Variants in NAALAD2 observed in about 807,000 individuals in gnomAD.
NAALAD2 encodes the protein N-acetylated alpha-linked acidic dipeptidase 2, also known as N-acetylated-alpha-linked acidic dipeptidase 2.
Under a neutral mutation model 95.6 loss-of-function variants are expected in NAALAD2, and 89 were observed. The ratio of observed to expected loss-of-function variants is 0.93; its 90% CI spans 0.78 to 1.11. The LOEUF is 1.11. Among genes scored for constraint, NAALAD2 ranks in the 50% least tolerant of loss-of-function variants. NAALAD2 has a pLI of 0.00. For synonymous variants in NAALAD2, 264 were observed against 294.4 expected (o/e 0.90, Z 1.06); for missense variants, 894 against 872.4 (o/e 1.02, Z -0.31).
In NAALAD2 at chr11:90,191,759, T is replaced by A. The variant is rs1228281021; in HGVS notation, c.*12T>A. On this transcript the variant is annotated 3_prime_UTR_variant, in exon 19 of 19. Coordinates refer to ENST00000534061, the MANE Select transcript of NAALAD2 (RefSeq NM_005467.4). Reference sequence around the variant, plus strand: ...AAGAAGTATTATAGAAGGTCTCAAGTGGCTAGCCATTAAAGGTGTTGCTAA... The same window carrying A: ...AAGAAGTATTATAGAAGGTCTCAAGAGGCTAGCCATTAAAGGTGTTGCTAA... The A allele has an allele frequency of 1.5e-5, 23 of 1,517,984 alleles. No individual in the cohort carries two copies. The highest frequency in any genetic ancestry group is 1.9e-5 in the Non-Finnish European group (22 of 1,133,206). 94.0% of individuals were successfully genotyped at this position (1,517,984 alleles called of 1,614,324 possible).
intron 18 of NAALAD2, among the ~76,000 whole-genome samples, chr11:90,189,878 A>G (rs1290880327): frequency 6.6e-6 from 1 of 152,174 alleles, no homozygotes; most frequent in Non-Finnish European, 1.5e-5. Flanking sequence ...CATATTCTCT[A>G]GTCTGCTCAG....
chr11:90,167,061 C>T (rs56046059), intron 11 of NAALAD2, among the ~76,000 whole-genome samples: 3,539 of 152,316 alleles, frequency 0.023, 143 homozygotes, highest in African/African-American at 0.08. Flanking sequence ...GCTCTCGGCG[C>T]CTCCTCGGCC....
At chr11:90,150,420 AT>A (rs1951856755) in intron 4 of NAALAD2, 61 bp from the exon 5 acceptor site, 4 of 1,172,644 alleles carry the variant, frequency 3.4e-6, no homozygotes, top group Non-Finnish European at 4.6e-6. Flanking sequence ...AAGCAAACTT[AT>A]TTTTTGTTTT....
chr11:90,144,182 A>G (rs1951690884), intron 2 of NAALAD2, among the ~76,000 whole-genome samples: 1 of 152,168 alleles, frequency 6.6e-6, no homozygotes. Context: ...ACACCATATT[A>G]GGAGCCCCCA....
At chr11:90,174,658 TA>T (rs1952733998) in intron 14 of NAALAD2, among the ~76,000 whole-genome samples, 1 of 151,954 alleles carries the variant, frequency 6.6e-6, no homozygotes, top group African/African-American at 2.4e-5. Context: ...TTTATATAAA[TA>T]TTATTTTATT....
intron 8 of NAALAD2, among the ~76,000 whole-genome samples, chr11:90,162,082 T>C (rs1202833941): frequency 6.6e-6 from 1 of 152,164 alleles, no homozygotes; most frequent in African/African-American, 2.4e-5. Context: ...TTATTCATTC[T>C]TCCATTAAAA....
rs150557013 is a variant in NAALAD2 at position 90,181,779 on chromosome 11, T to C, written c.1940+78T>C. 9.9e-4 allele frequency: 888 copies of C among 894,226 alleles called. 6 individuals are homozygous for C. In the African/African-American group the frequency reaches 0.013, roughly 13 times the overall value. The allele number at this position is 894,226 out of a possible 1,614,324, so 55.4% of individuals were successfully genotyped here. A position where few individuals can be genotyped will look rare whatever the true frequency, so the allele number is the denominator to read the frequency against. On this transcript the variant is annotated intron_variant, in intron 17 of 18. Coordinates refer to ENST00000534061, the MANE Select transcript of NAALAD2 (RefSeq NM_005467.4). Reference sequence around the variant, plus strand: ...ACTAGAATGAACTGTTTCACTCATATTAGCATTAACCTCTAAATCACTACT... The same window carrying C: ...ACTAGAATGAACTGTTTCACTCATACTAGCATTAACCTCTAAATCACTACT...
intron 1 of NAALAD2, 147 bp from the exon 2 acceptor site, chr11:90,135,412 A>G: frequency 2.2e-6 from 1 of 464,158 alleles, no homozygotes; most frequent in Non-Finnish European, 3.8e-6. Context: ...TGCATTTAAT[A>G]TAAACATTAT....
intron 5 of NAALAD2, among the ~76,000 whole-genome samples, chr11:90,151,818 C>T (rs1951894955): frequency 6.6e-6 from 1 of 152,082 alleles, no homozygotes; most frequent in African/African-American, 2.4e-5. Context: ...TATGACTGCT[C>T]TGCATACAAT....
chr11:90,181,921 C>A (rs940146417), intron 17 of NAALAD2, among the ~76,000 whole-genome samples: 2 of 151,586 alleles, frequency 1.3e-5, no homozygotes, highest in African/African-American at 2.4e-5. Context: ...TTTTAACTAC[C>A]ACCCCCACCC....
chr11:90,134,926 T>C (rs575060504), intron 1 of NAALAD2, 86 bp downstream of exon 1: 12 of 1,481,706 alleles, frequency 8.1e-6, no homozygotes, highest in Admixed American at 3.4e-5. Context: ...CTGGAAGGGA[T>C]TGGGCTGTGC....
chr11:90,144,757 G>GAAAAAAAAAAAAAAA lies in NAALAD2; in HGVS notation c.195-2573_195-2572insAAAAAAAAAAAAAAA, dbSNP rs1302696048. 3.2e-4 allele frequency among the ~76,000 whole-genome samples: 42 copies of GAAAAAAAAAAAAAAA among 129,472 alleles called. 1 individual carries two copies. Among genetic ancestry groups the GAAAAAAAAAAAAAAA allele is most frequent in the African/African-American group, 8.3e-4 (28 of 33,752 alleles). The allele number at this position is 129,472 out of a possible 152,430, so 84.9% of individuals were successfully genotyped here. A position where few individuals can be genotyped will look rare whatever the true frequency, so the allele number is the denominator to read the frequency against. On this transcript the variant is annotated intron_variant, in intron 2 of 18. Coordinates refer to ENST00000534061, the MANE Select transcript of NAALAD2 (RefSeq NM_005467.4). ...AACTCCATTAAAAAAAAAAAAAAAC[G>GAAAAAAAAAAAAAAA]GAAAAGAAAGACAAGGAGGTCAAGG...
At chr11:90,177,757 G>A (rs1260637486) in intron 15 of NAALAD2, 96 bp from the exon 16 acceptor site, 7 of 1,275,836 alleles carry the variant, frequency 5.5e-6, no homozygotes, top group Non-Finnish European at 7.5e-6. Flanking sequence ...CTGGCTGGTT[G>A]TTATTTTTTC....
At chr11:90,144,336 C>T (rs1951695613) in intron 2 of NAALAD2, among the ~76,000 whole-genome samples, 1 of 152,002 alleles carries the variant, frequency 6.6e-6, no homozygotes, top group Non-Finnish European at 1.5e-5. Flanking sequence ...TTTGAAAGAG[C>T]CAGTGGAGAG....
intron 6 of NAALAD2, among the ~76,000 whole-genome samples, chr11:90,154,778 T>C (rs975392508): frequency 6.0e-5 from 9 of 149,232 alleles, no homozygotes; most frequent in Admixed American, 2.7e-4. Flanking sequence ...GAACTGTTTT[T>C]CACTACAAAT....
chr11:90,180,335 T>G (rs1952923613), intron 16 of NAALAD2, among the ~76,000 whole-genome samples: 1 of 152,158 alleles, frequency 6.6e-6, no homozygotes, highest in South Asian at 2.1e-4. Flanking sequence ...TATTACATTC[T>G]TTGGTTTGAA....
chr11:90,155,119 G>A (rs1457379910), intron 6 of NAALAD2, among the ~76,000 whole-genome samples: 2 of 127,184 alleles, frequency 1.6e-5, no homozygotes, highest in Non-Finnish European at 3.1e-5. Flanking sequence ...ATATATGTGT[G>A]TATATATAAT....
chr11:90,151,737 A>G (rs1198332488), intron 5 of NAALAD2, among the ~76,000 whole-genome samples: 1 of 152,144 alleles, frequency 6.6e-6, no homozygotes, highest in Non-Finnish European at 1.5e-5. Context: ...CACAGGGTAC[A>G]TTTTCCTATT....
intron 11 of NAALAD2, among the ~76,000 whole-genome samples, chr11:90,167,750 A>C (rs1487617522): frequency 6.6e-6 from 1 of 152,186 alleles, no homozygotes; most frequent in Non-Finnish European, 1.5e-5. Context: ...GCACCAATCC[A>C]CACTCTATAT....
Sources: allele counts gnomAD v4.1 joint callset (sites outside exome capture counted in the v4.1 genomes callset), GRCh38; gene constraint gnomAD v4.1.1; transcripts MANE v1.5; gene names NCBI Gene and HGNC (gene_info 2026-07-23, HGNC 2026-07-21).